Variants in MRE11 observed in about 807,000 individuals in gnomAD.
MRE11 encodes double-strand break repair protein MRE11.
Under a neutral mutation model 91.7 loss-of-function variants are expected in MRE11, and 62 were observed. The ratio of observed to expected loss-of-function variants is 0.68; its 90% CI spans 0.55 to 0.84. The LOEUF (loss-of-function observed/expected upper bound fraction) is 0.84. MRE11 is among the 40% of genes least tolerant of loss of function. The probability of loss-of-function intolerance (pLI) is 0.00; values close to 1 mark genes in which losing one functional copy is unlikely to be tolerated. For synonymous variants in MRE11, 273 were observed against 271.4 expected, an observed-to-expected ratio of 1.01 and a Z score of -0.06; for missense variants, 796 against 852.9, an observed-to-expected ratio of 0.93 and a Z score of 0.83.
At chr11:94,461,115 G>C in intron 11 of MRE11, 79 bp from the exon 12 acceptor site, 1 of 1,258,446 alleles carries the variant, frequency 7.9e-7, no homozygotes, top group Non-Finnish European at 1.1e-6. Context: ...GTTGTCAGTG[G>C]AGAAGGTAAG....
Position 94,432,792 on chromosome 11 carries a change from C to T in MRE11, c.1995-2806G>A, listed in dbSNP as rs191129559. On this transcript the variant is annotated intron_variant, in intron 18 of 19. Transcript: ENST00000323929. ...CTGCACTCCAGCCTGGGAGACAGAG[C>T]GAGACTCCGTCTCAAAAAACAAAAC... Among the ~76,000 whole-genome samples, 61 of 152,234 alleles carry T rather than the reference C, an allele frequency of 4.0e-4. No homozygotes were observed. The South Asian group carries it at 0.01, about 26-fold the overall frequency.
Position 94,416,514 on chromosome 11 carries a change from A to G in MRE11, c.*3611T>C, listed in dbSNP as rs138817928. 1.3e-5 allele frequency: 2 copies of G among 152,212 alleles called. No homozygotes were observed. Among genetic ancestry groups the G allele is most frequent in the East Asian group, 3.9e-4 (2 of 5,168 alleles). 9.4% of individuals were successfully genotyped at this position (152,212 alleles called of 1,614,324 possible). On this transcript the variant is annotated 3_prime_UTR_variant, in exon 20 of 20. Coordinates refer to ENST00000323929, the MANE Select transcript of MRE11 (RefSeq NM_005591.4). ...AAAAACCCAAATCTTCATTATACCAAACTTCTATAATGATCTTAATGGTAG... is the reference window on the plus strand; with the variant it reads ...AAAAACCCAAATCTTCATTATACCAGACTTCTATAATGATCTTAATGGTAG...
intron 16 of MRE11, among the ~76,000 whole-genome samples, chr11:94,440,887 C>T (rs1565208641): frequency 6.6e-6 from 1 of 152,182 alleles, no homozygotes; most frequent in African/African-American, 2.4e-5. Context: ...TAACTATGTG[C>T]TTGGAAGCTC....
the MRE11 span, among the ~76,000 whole-genome samples, chr11:94,508,996 G>A: frequency 2.6e-5 from 4 of 151,960 alleles, no homozygotes; most frequent in African/African-American, 7.3e-5. Flanking sequence ...TCTTGACCTC[G>A]TGATCCGCCC....
chr11:94,496,270 A>G (rs2135160513), upstream of MRE11, among the ~76,000 whole-genome samples: 1 of 152,288 alleles, frequency 6.6e-6, no homozygotes. Flanking sequence ...TCTTGAATGC[A>G]CCTGTCTTCA....
At chr11:94,483,804 C>T (rs963752444) in intron 4 of MRE11, 3 of 152,232 alleles carry the variant, frequency 2.0e-5, no homozygotes, top group Non-Finnish European at 1.5e-5. Context: ...GATCATGCCA[C>T]TGCACTACAG....
intron 5 of MRE11, 81 bp downstream of exon 5, chr11:94,479,593 A>G: frequency 8.2e-7 from 1 of 1,222,028 alleles, no homozygotes; most frequent in Non-Finnish European, 1.2e-6. Context: ...ACAATGAGAA[A>G]AAGGGAAGGC....
chr11:94,484,979 A>C (rs1194053425), intron 4 of MRE11, among the ~76,000 whole-genome samples: 1 of 152,226 alleles, frequency 6.6e-6, no homozygotes, highest in East Asian at 1.9e-4. Context: ...TGGGAGGCCA[A>C]GGCAGGTGGA....
rs1479636156 is a variant in MRE11, at chr11:94,456,458, C to T, written c.1501-120G>A. On this transcript the variant is annotated intron_variant, in intron 13 of 19. Transcript: ENST00000323929. ...AAAACTTGCAAATTTAACAATGTCTCACAAAAGTAAATCATATTTTTCCAA... is the reference window on the plus strand; with the variant it reads ...AAAACTTGCAAATTTAACAATGTCTTACAAAAGTAAATCATATTTTTCCAA... 5.6e-5 allele frequency: 42 copies of T among 744,200 alleles called. No homozygotes were observed. In the East Asian group the frequency reaches 1.1e-3, roughly 20 times the overall value. The allele number at this position is 744,200 out of a possible 1,614,324, so 46.1% of individuals were successfully genotyped here.
chr11:94,459,292 G>A (rs1007742840), intron 13 of MRE11, 116 bp downstream of exon 13: 35 of 1,070,748 alleles, frequency 3.3e-5, no homozygotes, highest in Non-Finnish European at 4.7e-5. Flanking sequence ...TTTTATAGAT[G>A]AGAAAAACTA....
At chr11:94,490,307 A>G (rs369141415) in intron 3 of MRE11, among the ~76,000 whole-genome samples, 2 of 152,102 alleles carry the variant, frequency 1.3e-5, no homozygotes, top group African/African-American at 4.8e-5. Context: ...ATGGATGTAC[A>G]TTCTCTATGC....
chr11:94,496,958 A>C (rs1565246374), upstream of MRE11: 5 of 1,612,800 alleles, frequency 3.1e-6, no homozygotes, highest in Non-Finnish European at 4.2e-6. Flanking sequence ...TCGGGTAAAA[A>C]AAAAAATTAC....
intron 16 of MRE11, among the ~76,000 whole-genome samples, chr11:94,445,502 G>C (rs1028263329): frequency 6.6e-6 from 1 of 152,080 alleles, no homozygotes; most frequent in African/African-American, 2.4e-5. Flanking sequence ...TAGAGACCGG[G>C]TTTCACCATG....
At chr11:94,509,661 C>T in the MRE11 span, among the ~76,000 whole-genome samples, 5 of 152,038 alleles carry the variant, frequency 3.3e-5, no homozygotes, top group Non-Finnish European at 7.4e-5. Flanking sequence ...CAGATGGTCT[C>T]GATCCCTTGA....
chr11:94,496,884 G>A (rs754542540), upstream of MRE11: 19 of 1,613,172 alleles, frequency 1.2e-5, no homozygotes, highest in Admixed American at 1.3e-4. Context: ...GAGTGGTATC[G>A]ATTGCAAGAA....
chr11:94,498,532 A>T, upstream of MRE11: 1 of 1,602,806 alleles, frequency 6.2e-7, no homozygotes, highest in Non-Finnish European at 8.5e-7. Context: ...CTCAGTCTTA[A>T]CAATTCTAGT....
At chr11:94,461,184 C>T in intron 11 of MRE11, 148 bp from the exon 12 acceptor site, 1 of 652,060 alleles carries the variant, frequency 1.5e-6, no homozygotes, top group Non-Finnish European at 2.6e-6. Flanking sequence ...CAAAACAAGC[C>T]ATTTTTGTTA....
At chr11:94,482,621 G>T (rs538353422) in intron 4 of MRE11, among the ~76,000 whole-genome samples, 3 of 152,266 alleles carry the variant, frequency 2.0e-5, no homozygotes, top group African/African-American at 7.2e-5. Flanking sequence ...TAAGATGAAA[G>T]AAAGAAAATA....
chr11:94,499,201 G>T, the MRE11 span: 1 of 152,836 alleles, frequency 6.5e-6, no homozygotes, highest in Admixed American at 6.5e-5. Flanking sequence ...CCTCACCCTG[G>T]TCAACCTACA....
Sources: allele counts gnomAD v4.1 joint callset (sites outside exome capture counted in the v4.1 genomes callset), GRCh38; gene constraint gnomAD v4.1.1; transcripts MANE v1.5; gene names NCBI Gene and HGNC (gene_info 2026-07-23, HGNC 2026-07-21).